Variants in PLXNA4 observed in about 807,000 individuals in gnomAD.
PLXNA4 encodes the protein plexin-A4.
In PLXNA4, 44 loss-of-function variants were observed where a neutral mutation model predicts 191.8. The observed-to-expected ratio is 0.23, with a 90% CI of 0.18 to 0.29. The LOEUF (loss-of-function observed/expected upper bound fraction) is 0.29, where lower values mean the gene tolerates loss of function less well. Among genes scored for constraint, PLXNA4 ranks in the 10% least tolerant of loss-of-function variants. The pLI is 1.00. For synonymous variants in PLXNA4, 1,082 were observed against 1,009.5 expected, an observed-to-expected ratio of 1.07 and a Z score of -1.36; for missense variants, 1,800 against 2,488.8, an observed-to-expected ratio of 0.72 and a Z score of 5.89.
chr7:132,583,521 T>C (rs988773784), intron 2 of PLXNA4, among the ~76,000 whole-genome samples: 3 of 152,032 alleles, frequency 2.0e-5, no homozygotes, highest in African/African-American at 4.8e-5. Flanking sequence ...CCAAGGCATA[T>C]ACAAGGATTA....
At chr7:132,403,509 C>G (rs541915495) in intron 3 of PLXNA4, among the ~76,000 whole-genome samples, 2 of 152,318 alleles carry the variant, frequency 1.3e-5, no homozygotes, top group African/African-American at 4.8e-5. Context: ...TCCGTGGATC[C>G]TCAGGCACAA....
intron 2 of PLXNA4, among the ~76,000 whole-genome samples, chr7:132,494,524 C>G (rs924811587): frequency 3.9e-5 from 6 of 152,278 alleles, no homozygotes; most frequent in Middle Eastern, 3.4e-3. Flanking sequence ...GAGCAGGACC[C>G]TGAGCTGGAC....
intron 25 of PLXNA4, among the ~76,000 whole-genome samples, chr7:132,153,614 G>GGCATAGATAGGAAAGC (rs1795708000): frequency 6.6e-6 from 1 of 152,268 alleles, no homozygotes; most frequent in East Asian, 1.9e-4. Flanking sequence ...GTAATTGGCA[G>GGCATAGATAGGAAAGC]TGGGAAGCTG....
chr7:132,361,915 G>A (rs563905387), intron 3 of PLXNA4, among the ~76,000 whole-genome samples: 2 of 152,302 alleles, frequency 1.3e-5, no homozygotes, highest in African/African-American at 4.8e-5. Flanking sequence ...AAAAGGAAAA[G>A]AAGAAGAGAA....
chr7:132,428,202 A>C (rs1795124607), intron 3 of PLXNA4, among the ~76,000 whole-genome samples: 1 of 152,130 alleles, frequency 6.6e-6, no homozygotes, highest in Non-Finnish European at 1.5e-5. Context: ...GGGACGTCCC[A>C]GGAGGGTCCC....
At chr7:132,188,001 A>C (rs766508768) in intron 14 of PLXNA4, among the ~76,000 whole-genome samples, 5 of 151,914 alleles carry the variant, frequency 3.3e-5, no homozygotes, top group African/African-American at 4.8e-5. Context: ...TAGTTTTCCA[A>C]GGTCACACAG....
Position 132,576,435 on chromosome 7 carries a change from G to A in PLXNA4, c.-100C>T, listed in dbSNP as rs1330433214. ...CCGGCTCCTTACCTGGACGCGCCGCGTTTCCCTCCTTCAGCGGGAGCGCCG... is the reference window on the plus strand; with the variant it reads ...CCGGCTCCTTACCTGGACGCGCCGCATTTCCCTCCTTCAGCGGGAGCGCCG... On this transcript the variant is annotated 5_prime_UTR_variant, in exon 1 of 32. In the 5' UTR this introduces an upstream ATG that the reference lacks. Coordinates refer to ENST00000321063, the MANE Select transcript of PLXNA4 (RefSeq NM_020911.2). The surrounding 1 kb of genome is among the most constrained non-coding windows in gnomAD (Gnocchi z 5.8). 1 of 985,826 alleles carries A rather than the reference G, an allele frequency of 1.0e-6. No homozygotes were observed. The highest frequency in any genetic ancestry group is 1.2e-6 in the Non-Finnish European group (1 of 830,046). The allele number at this position is 985,826 out of a possible 1,614,324, so 61.1% of individuals were successfully genotyped here.
At chr7:132,496,621 T>C (rs918255497) in intron 2 of PLXNA4, among the ~76,000 whole-genome samples, 5 of 152,134 alleles carry the variant, frequency 3.3e-5, no homozygotes, top group Non-Finnish European at 5.9e-5. Context: ...AGGCTGGTCT[T>C]GAACTCCTGC....
At chr7:132,158,661 A>G (rs1388396289) in intron 25 of PLXNA4, among the ~76,000 whole-genome samples, 1 of 152,232 alleles carries the variant, frequency 6.6e-6, no homozygotes, top group Non-Finnish European at 1.5e-5. Context: ...TAAGGCATAC[A>G]CAGGTTACTT....
chr7:132,511,987 C>A (rs1489422661), intron 1 of PLXNA4, among the ~76,000 whole-genome samples: 3 of 152,200 alleles, frequency 2.0e-5, no homozygotes, highest in Non-Finnish European at 4.4e-5. Flanking sequence ...GCTCTTTCCA[C>A]CACCCCGGCC....
At chr7:132,334,650 A>T (rs1378400802) in intron 3 of PLXNA4, among the ~76,000 whole-genome samples, 2 of 152,172 alleles carry the variant, frequency 1.3e-5, no homozygotes, top group African/African-American at 4.8e-5. Context: ...CCTGCAAATG[A>T]TATCTGGGCC....
chr7:132,519,996 A>G (rs139780923), intron 1 of PLXNA4, among the ~76,000 whole-genome samples: 144 of 152,310 alleles, frequency 9.5e-4, no homozygotes, highest in Admixed American at 1.6e-3. Flanking sequence ...AACACAGGCT[A>G]TCATTGAGGT....
intron 3 of PLXNA4, among the ~76,000 whole-genome samples, chr7:132,458,373 G>A (rs1021871640): frequency 6.6e-6 from 1 of 151,914 alleles, no homozygotes; most frequent in African/African-American, 2.4e-5. Context: ...AGTATCAAGG[G>A]CAGCACTGTT....
intron 2 of PLXNA4, among the ~76,000 whole-genome samples, chr7:132,499,363 G>C (rs865932213): frequency 2.6e-5 from 4 of 152,258 alleles, no homozygotes; most frequent in African/African-American, 9.6e-5. Flanking sequence ...CCTGGGGGCT[G>C]GTTTAGCAAC....
intron 5 of PLXNA4, among the ~76,000 whole-genome samples, chr7:132,232,864 T>A (rs1485719851): frequency 6.6e-6 from 1 of 152,126 alleles, no homozygotes; most frequent in Non-Finnish European, 1.5e-5. Context: ...GCAAACAAAT[T>A]TCAATTTGGA....
In PLXNA4 at chr7:132,444,690, GT is replaced by G. The variant is rs1795828954; in HGVS notation, c.1371+44601del. 4.6e-5 allele frequency among the ~76,000 whole-genome samples: 7 copies of G among 152,318 alleles called. No individual in the cohort carries two copies. The South Asian group carries it at 1.5e-3, about 32-fold the overall frequency. On this transcript the variant is annotated intron_variant, in intron 3 of 31. Coordinates refer to ENST00000321063, the MANE Select transcript of PLXNA4 (RefSeq NM_020911.2). ...AAGGTGTGTGTGTTGGTGTGGGAGG[GT>G]GTGTGGGGTTTGTGTGAAGCTGTGC...
intron 3 of PLXNA4, among the ~76,000 whole-genome samples, chr7:132,346,954 A>C (rs1803267386): frequency 6.6e-6 from 1 of 152,224 alleles, no homozygotes; most frequent in South Asian, 2.1e-4. Context: ...GATGACATTA[A>C]ATGAAGGGTC....
At chr7:132,296,490 T>A (rs943136300) in intron 4 of PLXNA4, among the ~76,000 whole-genome samples, 9 of 151,698 alleles carry the variant, frequency 5.9e-5, no homozygotes, top group Non-Finnish European at 1.3e-4. Flanking sequence ...CAGGCTGGCC[T>A]TGAACTCCTG....
At chr7:132,482,142 C>T (rs921600372) in intron 3 of PLXNA4, among the ~76,000 whole-genome samples, 2 of 152,190 alleles carry the variant, frequency 1.3e-5, no homozygotes, top group African/African-American at 4.8e-5. Flanking sequence ...TGATCCCCAC[C>T]TCTGGGTATT....
Sources: gnomAD v4.1 joint callset for allele counts (sites outside exome capture counted in the v4.1 genomes callset) on GRCh38, gnomAD v4.1.1 for gene constraint, Gnocchi (gnomAD v3.1) non-coding constraint, MANE v1.5 for transcripts, NCBI Gene and HGNC (gene_info 2026-07-23, HGNC 2026-07-21) for gene names.